CALN1: variants seen among roughly 807,000 people sequenced by gnomAD.
The protein encoded by CALN1 is calneuron 1.
In CALN1, 17 loss-of-function variants were observed where a neutral mutation model predicts 30.6. That is an observed-to-expected ratio of 0.56 (90% CI 0.38 to 0.83). The LOEUF is 0.83. Among genes scored for constraint, CALN1 ranks in the 40% least tolerant of loss-of-function variants. The pLI is 0.00. For synonymous variants in CALN1, 156 were observed against 131.4 expected, an observed-to-expected ratio of 1.19 and a Z score of -1.28; for missense variants, 291 against 354.9, an observed-to-expected ratio of 0.82 and a Z score of 1.45.
chr7:72,103,010 T>C (rs998015417), intron 4 of CALN1, among the ~76,000 whole-genome samples: 1 of 142,090 alleles, frequency 7.0e-6, no homozygotes, highest in Non-Finnish European at 1.5e-5. Context: ...GAAGCGGAGG[T>C]TGCAGTGAGC....
At chr7:71,980,346 C>G (rs141852080) in intron 5 of CALN1, among the ~76,000 whole-genome samples, 5,082 of 151,480 alleles carry the variant, frequency 0.034, 452 homozygotes, top group East Asian at 0.22. Flanking sequence ...ACCACCACGT[C>G]CAGTTAATTT....
intron 2 of CALN1, among the ~76,000 whole-genome samples, chr7:72,360,925 T>G (rs565692822): frequency 2.0e-5 from 3 of 151,888 alleles, no homozygotes; most frequent in African/African-American, 7.2e-5. Flanking sequence ...CAGGGTTTCA[T>G]CCTGTTGGCC....
intron 3 of CALN1, among the ~76,000 whole-genome samples, chr7:72,121,829 A>G (rs1808415762): frequency 6.8e-6 from 1 of 147,988 alleles, no homozygotes; most frequent in Non-Finnish European, 1.5e-5. Flanking sequence ...GTTGGTTATT[A>G]TAAACCTGTT....
chr7:72,177,896 T>A (rs760730291), intron 3 of CALN1, among the ~76,000 whole-genome samples: 4 of 152,162 alleles, frequency 2.6e-5, no homozygotes, highest in African/African-American at 9.7e-5. Context: ...TCGCGTCCCT[T>A]AGCACCTCCA....
intron 4 of CALN1, among the ~76,000 whole-genome samples, chr7:72,077,083 T>C (rs918150064): frequency 2.0e-5 from 3 of 152,234 alleles, no homozygotes; most frequent in African/African-American, 7.2e-5. Context: ...GATAAATACC[T>C]AGTAGTAGTG....
rs562278678 is a variant in CALN1 at position 72,377,001 on chromosome 7, G to T, written c.119+26250C>A. Among the ~76,000 whole-genome samples the T allele has an allele frequency of 3.9e-5, 6 of 152,280 alleles. No homozygotes were observed. In the South Asian group the frequency reaches 1.2e-3, roughly 32 times the overall value. On this transcript the variant is annotated intron_variant, in intron 2 of 6. Transcript: ENST00000395275. ...TTGTCAAAAATCAATTGACCAAAAT[G>T]TATATAGGTTTTCTTTTTGGACTCT...
chr7:71,876,799 C>A (rs541991745), intron 5 of CALN1, among the ~76,000 whole-genome samples: 2 of 152,130 alleles, frequency 1.3e-5, no homozygotes, highest in Non-Finnish European at 2.9e-5. Flanking sequence ...ATATTGGGAC[C>A]CAGACTTCTC....
the CALN1 span, among the ~76,000 whole-genome samples, chr7:72,491,708 T>G: frequency 2.0e-5 from 3 of 152,274 alleles, no homozygotes; most frequent in South Asian, 6.2e-4. Context: ...CTCTGCCCTG[T>G]GCAATTAGCT....
At chr7:71,843,655 C>A (rs7784458) in intron 5 of CALN1, among the ~76,000 whole-genome samples, 16 of 152,128 alleles carry the variant, frequency 1.1e-4, no homozygotes, top group African/African-American at 2.9e-4. Context: ...AACCAGAGAG[C>A]TAAGCTAAGC....
At chr7:71,927,166 T>C (rs1280518329) in intron 5 of CALN1, among the ~76,000 whole-genome samples, 1 of 152,202 alleles carries the variant, frequency 6.6e-6, no homozygotes, top group African/African-American at 2.4e-5. Context: ...GTTTAGCCTT[T>C]GTTGTTGCTA....
In CALN1 at chr7:71,960,921, A is replaced by G. The variant is rs372578064; in HGVS notation, c.501+62736T>C. Among the ~76,000 whole-genome samples the G allele has an allele frequency of 3.8e-3, 577 of 152,230 alleles. 6 individuals carry two copies. Among genetic ancestry groups the G allele is most frequent in the African/African-American group, 0.013 (552 of 41,516 alleles). On this transcript the variant is annotated intron_variant, in intron 5 of 6. Coordinates refer to ENST00000395275, the MANE Select transcript of CALN1 (RefSeq NM_031468.4). ...AACCTCCACCTCCCAGGTTCAAGCG[A>G]TTCTCGTGCCTCAGCCTCCTGAGTA...
chr7:72,054,422 T>TATATATATAC (rs1376993327), intron 4 of CALN1, among the ~76,000 whole-genome samples: 8 of 83,846 alleles, frequency 9.5e-5, no homozygotes, highest in East Asian at 1.9e-3. Context: ...TATATACGTG[T>TATATATATAC]ATATATACAC....
chr7:72,333,620 G>A (rs979620243), intron 2 of CALN1, among the ~76,000 whole-genome samples: 4 of 148,136 alleles, frequency 2.7e-5, no homozygotes, highest in African/African-American at 1.0e-4. Flanking sequence ...GGACATTTCA[G>A]ACACTCTGAC....
At chr7:72,082,418 G>C (rs911792245) in intron 4 of CALN1, among the ~76,000 whole-genome samples, 1 of 152,182 alleles carries the variant, frequency 6.6e-6, no homozygotes, top group African/African-American at 2.4e-5. Flanking sequence ...GTGAAGGTTG[G>C]ATAGGGCAGG....
intron 1 of CALN1, among the ~76,000 whole-genome samples, chr7:72,408,035 T>G (rs749297699): frequency 6.6e-6 from 1 of 152,218 alleles, no homozygotes; most frequent in Non-Finnish European, 1.5e-5. Context: ...GTATGGCATT[T>G]AGGCGCAGGC....
intron 4 of CALN1, among the ~76,000 whole-genome samples, chr7:72,094,339 C>G (rs1806074741): frequency 6.6e-6 from 1 of 152,150 alleles, no homozygotes; most frequent in African/African-American, 2.4e-5. Context: ...ACTGCAACCT[C>G]TGCCTCCTGG....
chr7:72,402,078 G>C (rs982830122), intron 2 of CALN1, among the ~76,000 whole-genome samples: 1 of 152,130 alleles, frequency 6.6e-6, no homozygotes, highest in African/African-American at 2.4e-5. Flanking sequence ...GCTCTTCCTT[G>C]CTCTGAGCCT....
chr7:71,963,230 T>G (rs1797341808), intron 5 of CALN1, among the ~76,000 whole-genome samples: 1 of 152,192 alleles, frequency 6.6e-6, no homozygotes, highest in African/African-American at 2.4e-5. Context: ...CGGCGCGATC[T>G]CGGCTCACTG....
At chr7:71,980,414 T>C (rs552127487) in intron 5 of CALN1, among the ~76,000 whole-genome samples, 2 of 152,266 alleles carry the variant, frequency 1.3e-5, no homozygotes, top group East Asian at 1.9e-4. Flanking sequence ...CTCAAACTCC[T>C]GATCTCAGGT....
Sources: gnomAD v4.1 joint callset for allele counts (sites outside exome capture counted in the v4.1 genomes callset) on GRCh38, gnomAD v4.1.1 for gene constraint, MANE v1.5 for transcripts, NCBI Gene and HGNC (gene_info 2026-07-23, HGNC 2026-07-21) for gene names.